AXIN2: variants seen among roughly 807,000 people sequenced by gnomAD.
AXIN2 encodes the protein axin-2.
AXIN2 carries 21 observed loss-of-function variants against 74.7 expected under a neutral mutation model. The observed-to-expected ratio is 0.28, with a 90% confidence interval of 0.20 to 0.40. The LOEUF (loss-of-function observed/expected upper bound fraction) is 0.40, where lower values mean the gene tolerates loss of function less well. Among genes scored for constraint, AXIN2 ranks in the 10% least tolerant of loss-of-function variants. The pLI, the probability that AXIN2 is intolerant of heterozygous loss-of-function variation, is 1.00. For missense variants in AXIN2, 1,144 were observed against 1,111.1 expected, an observed-to-expected ratio of 1.03 and a Z score of -0.42; for synonymous variants, 532 against 454.9, an observed-to-expected ratio of 1.17 and a Z score of -2.16.
intron 8 of AXIN2, among the ~76,000 whole-genome samples, 194 bp from the exon 9 acceptor site, chr17:65,535,915 A>G (rs2043904296): frequency 6.6e-6 from 1 of 152,200 alleles, no homozygotes; most frequent in Non-Finnish European, 1.5e-5. Context: ...CAGCCATTCT[A>G]AGCCCCCCTG....
chr17:65,540,353 G>T (rs760926078), intron 4 of AXIN2, among the ~76,000 whole-genome samples: 1 of 152,158 alleles, frequency 6.6e-6, no homozygotes, highest in African/African-American at 2.4e-5. Context: ...GAGGTTAACA[G>T]AATAGATAAA....
intron 1 of AXIN2, chr17:65,560,367 G>A (rs1404901507): frequency 1.3e-5 from 2 of 151,916 alleles, no homozygotes; most frequent in Admixed American, 6.5e-5. Context: ...GCGGCAGGGA[G>A]GGGAAAAGGG....
chr17:65,538,372 G>T, intron 4 of AXIN2, 29 bp from the exon 5 acceptor site: 1 of 1,613,500 alleles, frequency 6.2e-7, no homozygotes. Context: ...AAAGGGAGGA[G>T]GCACGTTCAG....
Position 65,557,025 on chromosome 17 carries a change from G to A in AXIN2, c.815+781C>T, listed in dbSNP as rs1473877355. ...TCTTAAGACTTGGCCATTCTGCAAA[G>A]AACTATTTGTCTTTGAAGCCTCAAA... On this transcript the variant is annotated intron_variant, in intron 2 of 10. Coordinates refer to ENST00000307078, the MANE Select transcript of AXIN2 (RefSeq NM_004655.4). Among the ~76,000 whole-genome samples, 5 of 152,150 alleles carry A rather than the reference G, an allele frequency of 3.3e-5. No homozygotes were observed. The South Asian group carries it at 6.2e-4, about 19-fold the overall frequency.
chr17:65,561,552 GAGTT>G lies in AXIN2; in HGVS notation c.-223_-220del, dbSNP rs2044376833. ...ATTTCCCGGCTCTCGGGCTGTTACT[GAGTT>G]GCCAGGACCTTATCAAAGCGCAGCC... On this transcript the variant is annotated 5_prime_UTR_variant, in exon 1 of 11. Transcript: ENST00000307078. 1 of 151,050 alleles carries G rather than the reference GAGTT, an allele frequency of 6.6e-6. No individual in the cohort carries two copies. Among genetic ancestry groups the G allele is most frequent in the East Asian group, 1.9e-4 (1 of 5,156 alleles). The allele number at this position is 151,050 out of a possible 1,614,324, so 9.4% of individuals were successfully genotyped here. A position where few individuals can be genotyped will look rare whatever the true frequency, so the allele number is the denominator to read the frequency against.
At chr17:65,545,825 C>T (rs1426680353) in intron 3 of AXIN2, among the ~76,000 whole-genome samples, 2 of 152,144 alleles carry the variant, frequency 1.3e-5, no homozygotes, top group Non-Finnish European at 2.9e-5. Context: ...TTCTTTAAAG[C>T]CCCTGCCTGC....
rs762542140 is a variant in AXIN2, at chr17:65,558,035, A to G, written c.586T>C (p.Tyr196His). 1.2e-6 allele frequency: 2 copies of G among 1,614,136 alleles called. No individual in the cohort carries two copies. The highest frequency in any genetic ancestry group is 1.7e-6 in the Non-Finnish European group (2 of 1,180,036). The stretch of plus-strand genomic sequence containing the variant: ...CCCCCACTCCTCACATATTCGAGGT[A>G]TATATCAGAAGTCAAAAACATCTGG... ...AYQMFLTSDI[Y>H]LEYVRSGGEN... The change falls in exon 2 of 11, where the codon TAC (tyrosine) becomes CAC (histidine). Residue 196 changes from tyrosine to histidine, a missense_variant. Physicochemically the swap from Tyr to His is moderately conservative, Grantham distance 83. This residue lies in a region of AXIN2 where 1,053 missense variants were observed against 973.5 expected (regional missense o/e 1.08). Transcript: ENST00000307078.
intron 2 of AXIN2, among the ~76,000 whole-genome samples, chr17:65,550,657 G>A (rs1441214717): frequency 2.0e-5 from 3 of 152,180 alleles, no homozygotes; most frequent in African/African-American, 7.2e-5. Context: ...AATCAAGTGA[G>A]GGAGAAAAGA....
intron 1 of AXIN2, chr17:65,560,909 G>A (rs910746580): frequency 2.7e-5 from 4 of 148,424 alleles, no homozygotes; most frequent in African/African-American, 9.8e-5. Context: ...TCGGCTCGCG[G>A]CGGCAGCCCC....
At position 65,558,014 on chromosome 17, in the gene AXIN2, C is replaced by T. The variant is rs62640027; in HGVS notation, c.607G>A (p.Gly203Arg). 7 of 1,614,090 alleles carry T rather than the reference C, an allele frequency of 4.3e-6. No homozygotes were observed. Among genetic ancestry groups the T allele is most frequent in the African/African-American group, 2.7e-5 (2 of 74,922 alleles). Residue 203 changes from glycine (G) to arginine (R), a missense_variant, in exon 2 of 11, where the codon GGG (glycine) becomes AGG (arginine). This residue lies in a region of AXIN2 where 1,053 missense variants were observed against 973.5 expected (regional missense o/e 1.08). Coordinates refer to ENST00000307078, the MANE Select transcript of AXIN2 (RefSeq NM_004655.4). ...CTCATGTAAGCTGTGTTTTCTCCCCCACTCCTCACATATTCGAGGTATATA... is the reference window on the plus strand; with the variant it reads ...CTCATGTAAGCTGTGTTTTCTCCCCTACTCCTCACATATTCGAGGTATATA... ...SDIYLEYVRS[G>R]GENTAYMSNG...
intron 9 of AXIN2, among the ~76,000 whole-genome samples, chr17:65,535,374 T>G (rs1256284333): frequency 2.6e-5 from 4 of 152,200 alleles, no homozygotes; most frequent in African/African-American, 9.7e-5. Context: ...TGAGGTCCCT[T>G]CTACACTTCT....
chr17:65,534,123 G>GACACACATCTAAAGCAA, intron 9 of AXIN2, 44 bp from the exon 10 acceptor site: 1 of 1,609,428 alleles, frequency 6.2e-7, no homozygotes, highest in Non-Finnish European at 8.5e-7. Flanking sequence ...TTTTAAAGCA[G>GACACACATCTAAAGCAA]ACACACATCT....
intron 10 of AXIN2, among the ~76,000 whole-genome samples, chr17:65,532,946 G>A (rs1340858446): frequency 5.3e-5 from 8 of 152,148 alleles, no homozygotes; most frequent in Admixed American, 3.9e-4. Flanking sequence ...CCTAAACCTG[G>A]GAAACCTGGG....
At chr17:65,561,125 C>G (rs2044366245) in intron 1 of AXIN2, 1 of 150,008 alleles carries the variant, frequency 6.7e-6, no homozygotes, top group African/African-American at 2.4e-5. Flanking sequence ...GTCCTGTTTC[C>G]AGCAGTCACT....
At chr17:65,532,168 G>C (rs1300635527) in intron 10 of AXIN2, among the ~76,000 whole-genome samples, 1 of 152,118 alleles carries the variant, frequency 6.6e-6, no homozygotes, top group Non-Finnish European at 1.5e-5. Context: ...GTGCATTAAA[G>C]GGGAGGCCAG....
rs771001164 is a variant in AXIN2 at position 65,537,820 on chromosome 17, CCTCT to C, written c.1212_1215del (p.Glu405AlafsTer52). The C allele has an allele frequency of 6.4e-7, 1 of 1,566,636 alleles. No individual in the cohort carries two copies. Among genetic ancestry groups the C allele is most frequent in the Non-Finnish European group, 8.6e-7 (1 of 1,156,440 alleles). The stretch of plus-strand genomic sequence containing the variant: ...CGCGAATTGAGTGTGAGCTCGGAGC[CCTCT>C]CTCTCTTCATCCTGAAAGGGAAGAC... On this transcript the variant is annotated frameshift_variant, in exon 6 of 11. Transcript: ENST00000307078. LOFTEE classifies it high-confidence loss of function.
At chr17:65,542,299 C>T (rs2044055667) in intron 3 of AXIN2, among the ~76,000 whole-genome samples, 1 of 152,220 alleles carries the variant, frequency 6.6e-6, no homozygotes, top group South Asian at 2.1e-4. Context: ...TGTGCCAGAT[C>T]TTCTCCTAGG....
At chr17:65,541,700 T>G in intron 3 of AXIN2, 143 bp from the exon 4 acceptor site, 1 of 757,168 alleles carries the variant, frequency 1.3e-6, no homozygotes, top group Non-Finnish European at 2.3e-6. Flanking sequence ...CCAGATACCA[T>G]CGGTGCTCCC....
chr17:65,537,977 G>A, intron 5 of AXIN2, 142 bp from the exon 6 acceptor site: 1 of 1,345,418 alleles, frequency 7.4e-7, no homozygotes, highest in Non-Finnish European at 1.0e-6. Flanking sequence ...CACACGCACA[G>A]GCCCGCCTAC....
Sources: allele counts gnomAD v4.1 joint callset (sites outside exome capture counted in the v4.1 genomes callset), GRCh38; gene constraint gnomAD v4.1.1; regional missense constraint gnomAD v4.1.1; transcripts MANE v1.5; gene names NCBI Gene and HGNC (gene_info 2026-07-23, HGNC 2026-07-21).